The following RCCD1 variants were observed in gnomAD, a reference collection of about 807,000 sequenced individuals.
RCCD1 encodes RCC1 domain containing 1.
Under a neutral mutation model 37.6 loss-of-function variants are expected in RCCD1, and 40 were observed. The observed-to-expected ratio is 1.06, with a 90% CI of 0.83 to 1.39. The LOEUF (loss-of-function observed/expected upper bound fraction) is 1.39. RCCD1 is among the 40% of genes most tolerant of loss of function. RCCD1 has a pLI of 0.00. For missense variants in RCCD1, 577 were observed against 517.3 expected (o/e 1.12, Z -1.12); for synonymous variants, 263 against 230.0 (o/e 1.14, Z -1.30).
intron 4 of RCCD1, among the ~76,000 whole-genome samples, chr15:90,958,936 TAA>T (rs3036308): frequency 0.35 from 37,758 of 107,452 alleles, 6,594 homozygotes; most frequent in African/African-American, 0.53. Flanking sequence ...TCTGTCTGTC[TAA>T]AAAAAAAAAA....
chr15:90,960,419 C>T lies in RCCD1; in HGVS notation c.870C>T (p.Phe290=), dbSNP rs2151382279. The T allele has an allele frequency of 6.2e-7, 1 of 1,613,714 alleles. No individual in the cohort carries two copies. Among genetic ancestry groups the T allele is most frequent in the East Asian group, 2.2e-5 (1 of 44,884 alleles). ...CCCCCTTCATAGCTGTCCAGCCCTT[C>T]CCGGCATTACTGGATCTCCCCATGG... ...APAPFIAVQP[F]PALLDLPMGS... is the part of the protein sequence containing the mutation. Residue 290 remains phenylalanine, a synonymous_variant, in exon 6 of 8, where the codon TTC becomes TTT. Coordinates refer to ENST00000394258, the MANE Select transcript of RCCD1 (RefSeq NM_001017919.2).
chr15:90,959,227 C>T (rs924173213), intron 4 of RCCD1, among the ~76,000 whole-genome samples: 1 of 152,182 alleles, frequency 6.6e-6, no homozygotes, highest in African/African-American at 2.4e-5. Flanking sequence ...ACCTGTAGGG[C>T]TATTGTGAGA....
At chr15:90,955,826 A>G (rs2037176440) in intron 1 of RCCD1, 1 of 151,790 alleles carries the variant, frequency 6.6e-6, no homozygotes, top group South Asian at 2.1e-4. Context: ...AGCTGTCCTC[A>G]CTGGCAGAGG....
chr15:90,961,214 T>C (rs1262151304), intron 7 of RCCD1, 160 bp downstream of exon 7: 7 of 683,462 alleles, frequency 1.0e-5, no homozygotes, highest in East Asian at 7.9e-5. Context: ...GGAACAGACA[T>C]AGGCGCGCTC....
In RCCD1 at chr15:90,957,460, C is replaced by T. The variant is rs1384574803; in HGVS notation, c.514C>T (p.Leu172=). Residue 172 remains leucine (L), a synonymous_variant, in exon 3 of 8, where the codon CTG becomes TTG. Transcript: ENST00000394258. ...GGAGCTGGGCGCCGAGCACGCGTTG[C>T]TGCTGGACGCTGCTGGCCAGGTGTT... ...QLELGAEHAL[L]LDAAGQVFSW... is the part of the protein sequence containing the mutation. 6.5e-7 allele frequency: 1 copy of T among 1,540,578 alleles called. No individual in the cohort carries two copies. Among genetic ancestry groups the T allele is most frequent in the South Asian group, 1.2e-5 (1 of 84,794 alleles).
Position 90,956,795 on chromosome 15 carries a change from C to A in RCCD1, c.61C>A (p.Leu21Met). The change falls in exon 2 of 8, where the codon CTG (leucine) becomes ATG (methionine). Residue 21 changes from leucine (L) to methionine (M), a missense_variant. By Grantham distance (15) the Leu-to-Met change is conservative. Coordinates refer to ENST00000394258, the MANE Select transcript of RCCD1 (RefSeq NM_001017919.2). ...CGGTTTCTGCGGCTTCGGGCAGGAG[C>A]TGGGCTCCGGACGCGGGCGCCAGGT... Reference protein sequence around the residue: ...GFGFCGFGQELGSGRGRQVHS... With the variant: ...GFGFCGFGQEMGSGRGRQVHS... 7.6e-7 allele frequency: 1 copy of A among 1,320,326 alleles called. No individual in the cohort carries two copies. Among genetic ancestry groups the A allele is most frequent in the Non-Finnish European group, 9.7e-7 (1 of 1,034,832 alleles). The allele number at this position is 1,320,326 out of a possible 1,614,324, so 81.8% of individuals were successfully genotyped here. A position where few individuals can be genotyped will look rare whatever the true frequency, so the allele number is the denominator to read the frequency against.
At chr15:90,960,706 G>T in intron 6 of RCCD1, 1 of 615,244 alleles carries the variant, frequency 1.6e-6, no homozygotes, top group Non-Finnish European at 2.8e-6. Context: ...GTGGGAGGCT[G>T]ATGCTTTCTG....
In RCCD1 at chr15:90,961,413, G is replaced by A. The variant is rs188834984; in HGVS notation, c.980-205G>A. The A allele has an allele frequency of 7.3e-4, 436 of 593,820 alleles. 3 individuals carry two copies. The East Asian group carries it at 0.012, about 16-fold the overall frequency. 36.8% of individuals were successfully genotyped at this position (593,820 alleles called of 1,614,324 possible). On this transcript the variant is annotated intron_variant, in intron 7 of 7. Transcript: ENST00000394258. ...ACATCTTAGCTTGGATAGCAGGGAA[G>A]TCTGGAGGAGCGTCTTGCCTGGAGT...
intron 4 of RCCD1, among the ~76,000 whole-genome samples, 177 bp downstream of exon 4, chr15:90,957,902 C>T (rs1488439422): frequency 2.0e-5 from 3 of 152,206 alleles, no homozygotes; most frequent in Non-Finnish European, 4.4e-5. Flanking sequence ...TGCACCATGG[C>T]CCACTCACGC....
In RCCD1 at chr15:90,957,240, C is replaced by G. The variant is rs779903681; in HGVS notation, c.294C>G (p.Val98=). ...AGPGPEALLQ[V]WAAESALRGE... ...CGGGGCCGGAGGCGTTACTGCAGGT[C>G]TGGGCGGCCGAATCGGCGCTGCGTG... The change falls in exon 3 of 8, where the codon GTC becomes GTG. Residue 98 remains valine, a synonymous_variant. Coordinates refer to ENST00000394258, the MANE Select transcript of RCCD1 (RefSeq NM_001017919.2). The G allele has an allele frequency of 4.1e-6, 6 of 1,463,314 alleles. No homozygotes were observed. The highest frequency in any genetic ancestry group is 3.8e-4 in the Middle Eastern group (2 of 5,284). The allele number at this position is 1,463,314 out of a possible 1,614,324, so 90.6% of individuals were successfully genotyped here. A position where few individuals can be genotyped will look rare whatever the true frequency, so the allele number is the denominator to read the frequency against.
At chr15:90,955,391 T>A (rs2037154066) in intron 1 of RCCD1, 2 of 152,278 alleles carry the variant, frequency 1.3e-5, no homozygotes, top group African/African-American at 4.8e-5. Context: ...CGGCGTTTCC[T>A]CCAAGGCTGC....
At position 90,957,588 on chromosome 15, in the gene RCCD1, G is replaced by C; in HGVS notation, c.558-16G>C. ...CCTTAATGCGACTGTAGCTGACGACGGTCTCCCTTGCTCAGGCATGGACAG... is the reference window on the plus strand; with the variant it reads ...CCTTAATGCGACTGTAGCTGACGACCGTCTCCCTTGCTCAGGCATGGACAG... On this transcript the variant is annotated splice_polypyrimidine_tract_variant and intron_variant, in intron 3 of 7. Transcript: ENST00000394258. 4.3e-6 allele frequency: 7 copies of C among 1,613,904 alleles called. No individual in the cohort carries two copies. Among genetic ancestry groups the C allele is most frequent in the Non-Finnish European group, 5.9e-6 (7 of 1,180,000 alleles).
Position 90,957,278 on chromosome 15 carries a change from G to A in RCCD1, c.332G>A (p.Trp111Ter). 1.3e-6 allele frequency: 2 copies of A among 1,514,750 alleles called. No homozygotes were observed. The highest frequency in any genetic ancestry group is 1.8e-6 in the Non-Finnish European group (2 of 1,127,402). 93.8% of individuals were successfully genotyped at this position (1,514,750 alleles called of 1,614,324 possible). A position where few individuals can be genotyped will look rare whatever the true frequency, so the allele number is the denominator to read the frequency against. The change falls in exon 3 of 8, where the codon TGG becomes TAG. Residue 111 changes from tryptophan (W) to a stop codon, truncating the protein, a stop_gained. Transcript: ENST00000394258. LOFTEE classifies it high-confidence loss of function. The part of the protein sequence containing the change: ...AESALRGEPL[W>*]AQNVVPEAEG... ...TCGGCGCTGCGTGGGGAGCCATTGT[G>A]GGCCCAGAATGTGGTGCCCGAGGCC...
At chr15:90,958,354 C>T (rs951895916) in intron 4 of RCCD1, among the ~76,000 whole-genome samples, 6 of 152,070 alleles carry the variant, frequency 3.9e-5, no homozygotes, top group African/African-American at 1.5e-4. Flanking sequence ...GGGGGCCGGG[C>T]GTAGTGGCTC....
chr15:90,956,733 G>A lies in RCCD1; in HGVS notation c.-2G>A, dbSNP rs929920457. 1.5e-6 allele frequency: 2 copies of A among 1,302,296 alleles called. No individual in the cohort carries two copies. Among genetic ancestry groups the A allele is most frequent in the Admixed American group, 3.3e-5 (1 of 30,228 alleles). 80.7% of individuals were successfully genotyped at this position (1,302,296 alleles called of 1,614,324 possible). ...GCGGCCGGCAGAGGGCGCTGCTCGG[G>A]CATGGCGGAGGAGCGGCCGGGGGCC... On this transcript the variant is annotated 5_prime_UTR_variant, in exon 2 of 8. Coordinates refer to ENST00000394258, the MANE Select transcript of RCCD1 (RefSeq NM_001017919.2).
intron 7 of RCCD1, 41 bp downstream of exon 7, chr15:90,961,095 GAAGA>G (rs1416579118): frequency 6.2e-7 from 1 of 1,601,818 alleles, no homozygotes; most frequent in East Asian, 2.2e-5. Flanking sequence ...AAACCAAGGA[GAAGA>G]AAGACCTGGG....
chr15:90,960,444 G>C lies in RCCD1; in HGVS notation c.895G>C (p.Gly299Arg). 1 of 1,613,282 alleles carries C rather than the reference G, an allele frequency of 6.2e-7. No individual in the cohort carries two copies. Among genetic ancestry groups the C allele is most frequent in the Non-Finnish European group, 8.5e-7 (1 of 1,179,996 alleles). The change falls in exon 6 of 8, where the codon GGC (glycine) becomes CGC (arginine). Residue 299 changes from glycine to arginine, a missense_variant. Gly to Arg is a moderately radical substitution (Grantham distance 125). Coordinates refer to ENST00000394258, the MANE Select transcript of RCCD1 (RefSeq NM_001017919.2). ...PFPALLDLPM[G>R]SDAVKASCGS... is the part of the protein sequence containing the mutation. ...CCCGGCATTACTGGATCTCCCCATG[G>C]GCTCAGATGCAGTCAAGGCCAGCTG...
At position 90,956,885 on chromosome 15, in the gene RCCD1, A is replaced by G; in HGVS notation, c.151A>G (p.Thr51Ala). ...ICRVSASWSYTAFVTRGGRLE... is the reference protein window; with the variant it reads ...ICRVSASWSYAAFVTRGGRLE... The stretch of plus-strand genomic sequence containing the variant: ...CCGCGTGAGCGCGAGCTGGAGCTAC[A>G]CCGCTTTCGTGACCCGTGAGCACTC... Residue 51 changes from threonine (T) to alanine (A), a missense_variant, in exon 2 of 8, where the codon ACC becomes GCC. Physicochemically the swap from Thr to Ala is moderately conservative, Grantham distance 58. Transcript: ENST00000394258. 2.3e-6 allele frequency: 3 copies of G among 1,288,132 alleles called. No homozygotes were observed. The highest frequency in any genetic ancestry group is 3.0e-5 in the South Asian group (1 of 33,408). The allele number at this position is 1,288,132 out of a possible 1,614,324, so 79.8% of individuals were successfully genotyped here.
intron 4 of RCCD1, 51 bp downstream of exon 4, chr15:90,957,776 TC>T: frequency 1.9e-6 from 3 of 1,542,094 alleles, no homozygotes; most frequent in Non-Finnish European, 2.6e-6. Context: ...GTGCAAACCT[TC>T]CTCCTCGTTT....
Sources: gnomAD v4.1 joint callset for allele counts (sites outside exome capture counted in the v4.1 genomes callset) on GRCh38, gnomAD v4.1.1 for gene constraint, MANE v1.5 for transcripts, NCBI Gene and HGNC (gene_info 2026-07-23, HGNC 2026-07-21) for gene names.